The following POU2F3 variants were observed in gnomAD, a reference collection of about 807,000 sequenced individuals.
The protein encoded by POU2F3 is POU class 2 homeobox 3.
A neutral mutation model predicts 59.2 loss-of-function variants in POU2F3; 23 were observed. The ratio of observed to expected loss-of-function variants is 0.39; its 90% confidence interval spans 0.28 to 0.55. The LOEUF (loss-of-function observed/expected upper bound fraction) is 0.55, where lower values mean the gene tolerates loss of function less well. Among genes scored for constraint, POU2F3 ranks in the 20% least tolerant of loss-of-function variants. The probability of loss-of-function intolerance (pLI) is 0.66; values close to 1 mark genes in which losing one functional copy is unlikely to be tolerated. For missense variants in POU2F3, 473 were observed against 544.5 expected (o/e 0.87, Z 1.31); for synonymous variants, 190 against 214.6 (o/e 0.89, Z 1.00).
At chr11:120,262,361 CA>C (rs1939635634) in intron 2 of POU2F3, among the ~76,000 whole-genome samples, 1 of 152,148 alleles carries the variant, frequency 6.6e-6, no homozygotes, top group Non-Finnish European at 1.5e-5. Flanking sequence ...CATTTTTAAA[CA>C]AACACAAAAT....
At chr11:120,275,247 C>T (rs1175434128) in intron 3 of POU2F3, among the ~76,000 whole-genome samples, 1 of 152,026 alleles carries the variant, frequency 6.6e-6, no homozygotes, top group Non-Finnish European at 1.5e-5. Context: ...CTAGGAAAGG[C>T]AGTGCAGGAG....
chr11:120,309,131 T>C (rs948944543), intron 9 of POU2F3, among the ~76,000 whole-genome samples: 2 of 152,080 alleles, frequency 1.3e-5, no homozygotes, highest in African/African-American at 4.8e-5. Context: ...ATGGAGACCC[T>C]ACTTTGTATC....
At chr11:120,267,109 G>T (rs2015914) in intron 2 of POU2F3, among the ~76,000 whole-genome samples, 1 of 151,404 alleles carries the variant, frequency 6.6e-6, no homozygotes, top group Non-Finnish European at 1.5e-5. Context: ...GGTCCTTCCC[G>T]TCTTTAGCTC....
chr11:120,236,643 A>G (rs915503590), upstream of POU2F3: 4 of 1,469,950 alleles, frequency 2.7e-6, no homozygotes, highest in African/African-American at 1.4e-5. Flanking sequence ...TCTCTATCTC[A>G]CTCCAGCCCA....
In POU2F3 at chr11:120,305,688, C is replaced by T. The variant is rs767041235; in HGVS notation, c.672C>T (p.Phe224=). The change falls in exon 8 of 13, where the codon TTC becomes TTT. Residue 224 remains phenylalanine (F), a synonymous_variant. Transcript: ENST00000543440. The part of the protein sequence containing the change: ...LAMGKLYGND[F]SQTTISRFEA... The stretch of plus-strand genomic sequence containing the variant: ...TGGGAAAGCTGTATGGCAACGACTT[C>T]AGCCAGACCACCATCTCACGATTTG... 6 of 1,613,940 alleles carry T rather than the reference C, an allele frequency of 3.7e-6. No homozygotes were observed. The South Asian group carries it at 6.6e-5, about 18-fold the overall frequency.
Position 120,285,844 on chromosome 11 carries a change from AT to A in POU2F3, c.133-12416del, listed in dbSNP as rs1717280125. On this transcript the variant is annotated intron_variant, in intron 3 of 12. Transcript: ENST00000543440. The surrounding 1 kb of genome is among the most constrained non-coding windows in gnomAD (Gnocchi z 4.3). ...ATGGCAGTACATAGAGAGTTATATG[AT>A]TTTTGTTAATGACCACATAATGTTC... 6.6e-6 allele frequency among the ~76,000 whole-genome samples: 1 copy of A among 152,048 alleles called. No homozygotes were observed. Among genetic ancestry groups the A allele is most frequent in the Admixed American group, 6.6e-5 (1 of 15,240 alleles).
chr11:120,242,639 T>A (rs1348896390), intron 1 of POU2F3, among the ~76,000 whole-genome samples: 1 of 152,156 alleles, frequency 6.6e-6, no homozygotes, highest in African/African-American at 2.4e-5. Context: ...GAGCATAGGC[T>A]TGCTCCCGGG....
upstream of POU2F3, chr11:120,236,840 C>T (rs1460173127): frequency 7.0e-5 from 59 of 841,206 alleles, no homozygotes; most frequent in South Asian, 4.7e-5. Flanking sequence ...TTAGAGGGCA[C>T]CCCAGCCTTC....
chr11:120,256,000 C>G (rs1222600813), intron 2 of POU2F3: 1 of 152,160 alleles, frequency 6.6e-6, no homozygotes, highest in Admixed American at 6.5e-5. Context: ...TATCACAAAC[C>G]TGCGAACTCA....
intron 3 of POU2F3, among the ~76,000 whole-genome samples, chr11:120,274,084 A>AAAGAAAGGAAGGAAGG (rs1270862919): frequency 4.6e-5 from 6 of 130,576 alleles, no homozygotes; most frequent in Non-Finnish European, 8.0e-5. Context: ...AAAAAGAGAG[A>AAAGAAAGGAAGGAAGG]AAGAAAGGAA....
At chr11:120,247,895 A>G (rs2135131318) in intron 2 of POU2F3, among the ~76,000 whole-genome samples, 1 of 152,308 alleles carries the variant, frequency 6.6e-6, no homozygotes, top group Admixed American at 6.5e-5. Flanking sequence ...GTGTGTGGGG[A>G]CACAGCTAAG....
rs1027788593 is a variant in POU2F3 at position 120,318,504 on chromosome 11, A to G, written c.*112A>G. On this transcript the variant is annotated 3_prime_UTR_variant, in exon 13 of 13. Coordinates refer to ENST00000543440, the MANE Select transcript of POU2F3 (RefSeq NM_014352.4). ...TTCAGAAGAGTGGAAGAAAATCTCC[A>G]CTATCAATGAACCCAGACTCTTGTC... 1 of 1,098,562 alleles carries G rather than the reference A, an allele frequency of 9.1e-7. No individual in the cohort carries two copies. The highest frequency in any genetic ancestry group is 1.4e-6 in the Non-Finnish European group (1 of 726,544). 68.1% of individuals were successfully genotyped at this position (1,098,562 alleles called of 1,614,324 possible). A position where few individuals can be genotyped will look rare whatever the true frequency, so the allele number is the denominator to read the frequency against.
intron 2 of POU2F3, among the ~76,000 whole-genome samples, chr11:120,264,915 T>G (rs555594168): frequency 2.0e-5 from 3 of 152,198 alleles, no homozygotes; most frequent in Admixed American, 6.5e-5. Flanking sequence ...ATCTCTTCCT[T>G]TCTCTGGGAA....
chr11:120,310,360 A>C (rs544018842), intron 10 of POU2F3, among the ~76,000 whole-genome samples: 3 of 152,178 alleles, frequency 2.0e-5, no homozygotes, highest in African/African-American at 7.2e-5. Context: ...TTTTTTTGAG[A>C]TGATGAAAAC....
chr11:120,262,439 A>G (rs1157759148), intron 2 of POU2F3, among the ~76,000 whole-genome samples: 1 of 152,236 alleles, frequency 6.6e-6, no homozygotes, highest in Non-Finnish European at 1.5e-5. Flanking sequence ...AATTCTTGCC[A>G]TTCTCATTAC....
chr11:120,317,384 G>A lies in POU2F3; in HGVS notation c.1271+20G>A, dbSNP rs1941817247. 6.2e-7 allele frequency: 1 copy of A among 1,613,900 alleles called. No individual in the cohort carries two copies. Among genetic ancestry groups the A allele is most frequent in the Non-Finnish European group, 8.5e-7 (1 of 1,179,864 alleles). ...TTCAGGGTAAGGTGAAGGGGACGGT[G>A]CAGAGACATCCCAGCAGGGCCAAGG... is the stretch of plus-strand genomic sequence containing the variant. On this transcript the variant is annotated intron_variant, in intron 12 of 12. Transcript: ENST00000543440.
intron 3 of POU2F3, among the ~76,000 whole-genome samples, chr11:120,288,215 C>T (rs1206586947): frequency 1.3e-5 from 2 of 149,868 alleles, no homozygotes; most frequent in Admixed American, 1.3e-4. Flanking sequence ...CATCAGTATC[C>T]CTGAGGGCAT....
rs374650232 is a variant in POU2F3 at position 120,309,652 on chromosome 11, G to C, written c.1068+66G>C. The C allele has an allele frequency of 7.1e-6, 11 of 1,546,040 alleles. No individual in the cohort carries two copies. The African/African-American group carries it at 8.1e-5, about 11-fold the overall frequency. On this transcript the variant is annotated intron_variant, in intron 10 of 12. Coordinates refer to ENST00000543440, the MANE Select transcript of POU2F3 (RefSeq NM_014352.4). ...GGACATGATGCTTGGAGGGGAAGGT[G>C]GTGGCTGCAGGGAAGAGGGGAGCAT...
rs1160041901 is a variant in POU2F3 at position 120,285,977 on chromosome 11, G to A, written c.133-12288G>A. ...GGCTCACTGCAACCTCCGCCCCCAGGGTTCAAACAATTCTCGTGTCTCAGC... is the reference window on the plus strand; with the variant it reads ...GGCTCACTGCAACCTCCGCCCCCAGAGTTCAAACAATTCTCGTGTCTCAGC... On this transcript the variant is annotated intron_variant, in intron 3 of 12. Coordinates refer to ENST00000543440, the MANE Select transcript of POU2F3 (RefSeq NM_014352.4). The surrounding 1 kb of genome is among the most constrained non-coding windows in gnomAD (Gnocchi z 4.3). 1.3e-5 allele frequency among the ~76,000 whole-genome samples: 2 copies of A among 152,012 alleles called. No homozygotes were observed. The highest frequency in any genetic ancestry group is 4.8e-5 in the African/African-American group (2 of 41,390).
Sources: allele counts gnomAD v4.1 joint callset (sites outside exome capture counted in the v4.1 genomes callset), GRCh38; gene constraint gnomAD v4.1.1; non-coding constraint Gnocchi (gnomAD v3.1); transcripts MANE v1.5; gene names NCBI Gene and HGNC (gene_info 2026-07-23, HGNC 2026-07-21).